Variants in DGKI observed in about 807,000 individuals in gnomAD.
DGKI encodes the protein diacylglycerol kinase iota.
In DGKI, 55 loss-of-function variants were observed where a neutral mutation model predicts 147.5. That is an observed-to-expected ratio of 0.37 (90% CI 0.30 to 0.47). DGKI has a LOEUF of 0.47. DGKI is among the 20% of genes least tolerant of loss of function. The probability of loss-of-function intolerance (pLI) is 1.00; values close to 1 mark genes in which losing one functional copy is unlikely to be tolerated. For missense variants in DGKI, 1,007 were observed against 1,323.8 expected (o/e 0.76, Z 3.71); for synonymous variants, 469 against 477.1 (o/e 0.98, Z 0.22).
At chr7:137,572,590 A>G (rs1818831116) in intron 18 of DGKI, among the ~76,000 whole-genome samples, 175 bp downstream of exon 18, 1 of 152,200 alleles carries the variant, frequency 6.6e-6, no homozygotes. Context: ...CACCAACCAC[A>G]AAGAACACTA....
intron 2 of DGKI, among the ~76,000 whole-genome samples, chr7:137,682,319 A>G (rs1823266907): frequency 6.6e-6 from 1 of 152,114 alleles, no homozygotes; most frequent in Non-Finnish European, 1.5e-5. Context: ...CCAGCTCCAT[A>G]TTAATCAATG....
At chr7:137,790,231 A>AACACACAC (rs137932599) in intron 1 of DGKI, among the ~76,000 whole-genome samples, 15 of 143,808 alleles carry the variant, frequency 1.0e-4, no homozygotes, top group South Asian at 2.3e-4. Flanking sequence ...GTGTATTACC[A>AACACACAC]ACACACACAC....
intron 1 of DGKI, among the ~76,000 whole-genome samples, chr7:137,746,173 G>A (rs912936935): frequency 3.3e-5 from 5 of 152,254 alleles, no homozygotes; most frequent in African/African-American, 1.2e-4. Context: ...GGTTCCCAAA[G>A]CTTAAATTAA....
At chr7:137,557,254 T>A (rs1818255402) in intron 19 of DGKI, among the ~76,000 whole-genome samples, 1 of 152,186 alleles carries the variant, frequency 6.6e-6, no homozygotes, top group African/African-American at 2.4e-5. Context: ...ATAATTAATT[T>A]TGAAGGATAA....
intron 2 of DGKI, among the ~76,000 whole-genome samples, chr7:137,688,548 A>G (rs1253337589): frequency 6.6e-6 from 1 of 152,080 alleles, no homozygotes; most frequent in East Asian, 1.9e-4. Context: ...TGATTAAACT[A>G]CCCCTGGAAT....
chr7:137,551,697 A>G (rs1315817299), intron 20 of DGKI, among the ~76,000 whole-genome samples: 1 of 152,208 alleles, frequency 6.6e-6, no homozygotes, highest in Non-Finnish European at 1.5e-5. Flanking sequence ...TCTAGCCAAT[A>G]TTACCTTACC....
intron 6 of DGKI, among the ~76,000 whole-genome samples, chr7:137,625,424 C>A (rs59300765): frequency 0.02 from 2,984 of 151,902 alleles, 102 homozygotes; most frequent in African/African-American, 0.068. Flanking sequence ...CGTGCTACTG[C>A]CCCCTAGCCT....
rs1402259294 is a variant in DGKI, at chr7:137,707,496, T to G, written c.402-17494A>C. 2.6e-5 allele frequency among the ~76,000 whole-genome samples: 4 copies of G among 152,192 alleles called. No individual in the cohort carries two copies. In the South Asian group the frequency reaches 6.2e-4, roughly 24 times the overall value. ...TCCCAATGTTGGAGGTGGGGCCTGG[T>G]GGGAGGTGACTGGATCACAGGGGTG... On this transcript the variant is annotated intron_variant, in intron 1 of 32. Transcript: ENST00000614521.
In DGKI at chr7:137,390,933, G is replaced by A. The variant is rs1811337297; in HGVS notation, c.*287C>T. ...AATCTTTAAAATAAATTATACAGGT[G>A]AACACAGAAGTTCATGCTACTTGCT... On this transcript the variant is annotated 3_prime_UTR_variant, in exon 33 of 33. Coordinates refer to ENST00000614521, the MANE Select transcript of DGKI (RefSeq NM_001321708.2). The A allele has an allele frequency of 2.4e-6, 1 of 413,602 alleles. No homozygotes were observed. Among genetic ancestry groups the A allele is most frequent in the African/African-American group, 2.1e-5 (1 of 47,884 alleles). The allele number at this position is 413,602 out of a possible 1,614,324, so 25.6% of individuals were successfully genotyped here. A position where few individuals can be genotyped will look rare whatever the true frequency, so the allele number is the denominator to read the frequency against.
At chr7:137,503,316 T>G (rs993349992) in intron 21 of DGKI, among the ~76,000 whole-genome samples, 10 of 152,216 alleles carry the variant, frequency 6.6e-5, no homozygotes, top group Non-Finnish European at 1.3e-4. Flanking sequence ...TACCTAGAAT[T>G]TAATCAAGAT....
intron 1 of DGKI, among the ~76,000 whole-genome samples, chr7:137,845,319 C>A (rs1387269416): frequency 1.3e-5 from 2 of 152,186 alleles, no homozygotes; most frequent in African/African-American, 4.8e-5. Flanking sequence ...ATAAAACACA[C>A]CCTCCCAAAC....
intron 19 of DGKI, among the ~76,000 whole-genome samples, chr7:137,557,777 G>A (rs1187100595): frequency 6.6e-6 from 1 of 152,146 alleles, no homozygotes; most frequent in Non-Finnish European, 1.5e-5. Context: ...CTCTCCTGGA[G>A]CGATTCCCTT....
chr7:137,461,937 T>C (rs1476826911), intron 27 of DGKI, among the ~76,000 whole-genome samples: 1 of 152,166 alleles, frequency 6.6e-6, no homozygotes, highest in Non-Finnish European at 1.5e-5. Flanking sequence ...ACCTGGCTAT[T>C]ATATAAAGTG....
chr7:137,533,828 A>C (rs1368407461), intron 20 of DGKI, among the ~76,000 whole-genome samples: 1 of 152,054 alleles, frequency 6.6e-6, no homozygotes. Context: ...AATTTTTATA[A>C]TGGCCCAAGA....
At chr7:137,420,381 T>G (rs999880818) in intron 28 of DGKI, among the ~76,000 whole-genome samples, 3 of 152,284 alleles carry the variant, frequency 2.0e-5, no homozygotes, top group African/African-American at 7.2e-5. Flanking sequence ...GAAAATGCCA[T>G]GGCTATTTTT....
intron 23 of DGKI, among the ~76,000 whole-genome samples, chr7:137,473,554 A>C (rs1815060251): frequency 6.6e-6 from 1 of 152,170 alleles, no homozygotes; most frequent in Admixed American, 6.5e-5. Context: ...AGAGAATTCA[A>C]CAAAATAAGA....
intron 1 of DGKI, among the ~76,000 whole-genome samples, chr7:137,726,529 A>C (rs1794724478): frequency 6.6e-6 from 1 of 152,240 alleles, no homozygotes; most frequent in Non-Finnish European, 1.5e-5. Context: ...TTTGTTGTTA[A>C]AAAGATCTGA....
In DGKI at chr7:137,618,151, A is replaced by ATATATATATT; in HGVS notation, c.993+1672_993+1673insAATATATATA. Among the ~76,000 whole-genome samples, 49 of 10,460 alleles carry ATATATATATT rather than the reference A, an allele frequency of 4.7e-3. 1 individual carries two copies. The highest frequency in any genetic ancestry group is 7.4e-3 in the East Asian group (1 of 136). The allele number at this position is 10,460 out of a possible 152,430, so 6.9% of individuals were successfully genotyped here. A position where few individuals can be genotyped will look rare whatever the true frequency, so the allele number is the denominator to read the frequency against. On this transcript the variant is annotated intron_variant, in intron 8 of 32. Transcript: ENST00000614521. ...ACTATATATATATATATATATATAT[A>ATATATATATT]TTTTTTTTTTTTTACTCTATCATTC...
intron 27 of DGKI, among the ~76,000 whole-genome samples, chr7:137,454,060 T>C (rs58568739): frequency 0.011 from 1,608 of 152,292 alleles, 27 homozygotes; most frequent in African/African-American, 0.037. Flanking sequence ...AGATCCATTG[T>C]ACAACATGGT....
Sources: gnomAD v4.1 joint callset for allele counts (sites outside exome capture counted in the v4.1 genomes callset) on GRCh38, gnomAD v4.1.1 for gene constraint, MANE v1.5 for transcripts, NCBI Gene and HGNC (gene_info 2026-07-23, HGNC 2026-07-21) for gene names.